FRMPD4: variants seen among roughly 807,000 people sequenced by gnomAD.
FRMPD4 encodes the protein FERM and PDZ domain containing 4.
FRMPD4 carries 22 observed loss-of-function variants against 94.1 expected under a neutral mutation model. The observed-to-expected ratio is 0.23, with a 90% CI of 0.17 to 0.33. The LOEUF (loss-of-function observed/expected upper bound fraction) is 0.33. Ranked by LOEUF, FRMPD4 falls within the 10% of genes least tolerant of loss-of-function variation. The pLI is 1.00. For missense variants in FRMPD4, 1,111 were observed against 1,339.9 expected (o/e 0.83, Z 2.67); for synonymous variants, 631 against 548.6 (o/e 1.15, Z -2.10).
At chrX:12,468,764 G>T (rs1482713734) in intron 1 of FRMPD4, among the ~76,000 whole-genome samples, 4 of 111,923 alleles carry the variant, frequency 3.6e-5, no homozygotes, top group Non-Finnish European at 7.5e-5. Context: ...TCAGACAGGT[G>T]TCTGCTCTTT....
chrX:12,446,783 G>A (rs1414336760), intron 1 of FRMPD4, among the ~76,000 whole-genome samples: 3 of 111,727 alleles, frequency 2.7e-5, no homozygotes, highest in African/African-American at 6.5e-5. Context: ...ACCCAGTCTC[G>A]GGTATGTCTT....
intron 1 of FRMPD4, among the ~76,000 whole-genome samples, chrX:12,317,585 C>CAAAAAAAAAAA (rs376884335): frequency 4.5e-4 from 19 of 42,352 alleles, no homozygotes; most frequent in Non-Finnish European, 5.8e-4. Flanking sequence ...AACTAAATAG[C>CAAAAAAAAAAA]AAAAAAAAAA....
chrX:12,231,740 G>A (rs776446898), intron 1 of FRMPD4, among the ~76,000 whole-genome samples: 1 of 111,862 alleles, frequency 8.9e-6, no homozygotes, highest in Admixed American at 9.5e-5. Context: ...ATTATTTTGT[G>A]CAGCTGGTAT....
At chrX:12,355,271 G>A (rs2055878577) in intron 1 of FRMPD4, among the ~76,000 whole-genome samples, 1 of 110,285 alleles carries the variant, frequency 9.1e-6, no homozygotes. Context: ...GACCTCCTGG[G>A]CTCAAGTGAT....
intron 1 of FRMPD4, among the ~76,000 whole-genome samples, chrX:11,826,115 C>A (rs1464365244): frequency 8.9e-6 from 1 of 112,253 alleles, no homozygotes; most frequent in Non-Finnish European, 1.9e-5. Context: ...AGGTGAAAAT[C>A]TGAAATTAAA....
At chrX:11,828,523 T>G (rs1214710952) in intron 1 of FRMPD4, among the ~76,000 whole-genome samples, 1 of 112,183 alleles carries the variant, frequency 8.9e-6, no homozygotes, top group Non-Finnish European at 1.9e-5. Context: ...TCAAATATAT[T>G]CAGAACTATA....
At chrX:12,402,251 C>G (rs767310115) in intron 1 of FRMPD4, among the ~76,000 whole-genome samples, 82 of 101,450 alleles carry the variant, frequency 8.1e-4, no homozygotes, top group South Asian at 1.5e-3. Context: ...TCTGCGCCAC[C>G]CCCCCCACAA....
At chrX:12,256,755 G>A (rs1032839610) in intron 1 of FRMPD4, among the ~76,000 whole-genome samples, 6 of 111,707 alleles carry the variant, frequency 5.4e-5, no homozygotes, top group African/African-American at 2.0e-4. Context: ...ACTGTTCAAG[G>A]TCACCCCCTC....
intron 1 of FRMPD4, among the ~76,000 whole-genome samples, chrX:12,244,800 C>T (rs2053930443): frequency 1.8e-5 from 2 of 111,744 alleles, no homozygotes; most frequent in South Asian, 7.5e-4. Flanking sequence ...TGGACAGTTC[C>T]AGTGGGTCTG....
chrX:12,231,058 T>TAC (rs1341346313), intron 1 of FRMPD4, among the ~76,000 whole-genome samples: 3 of 69,129 alleles, frequency 4.3e-5, no homozygotes, highest in African/African-American at 1.7e-4. Context: ...AAAATATATA[T>TAC]ATATATATAT....
At chrX:11,950,600 C>A (rs1485746474) in intron 3 of FRMPD4, among the ~76,000 whole-genome samples, 2 of 111,848 alleles carry the variant, frequency 1.8e-5, no homozygotes, top group Non-Finnish European at 3.8e-5. Flanking sequence ...TCCTTTATTT[C>A]TTTTTAAAAA....
At chrX:12,130,328 T>C (rs1257472497) in intron 3 of FRMPD4, among the ~76,000 whole-genome samples, 1 of 111,527 alleles carries the variant, frequency 9.0e-6, no homozygotes, top group Non-Finnish European at 1.9e-5. Flanking sequence ...TGCAAGATGA[T>C]AGATGTAGCT....
intron 1 of FRMPD4, among the ~76,000 whole-genome samples, chrX:12,373,748 G>A (rs1244226092): frequency 8.9e-6 from 1 of 112,423 alleles, no homozygotes; most frequent in Non-Finnish European, 1.9e-5. Context: ...ATCCAATTAA[G>A]TACGAAGTTA....
intron 1 of FRMPD4, among the ~76,000 whole-genome samples, chrX:12,373,782 C>A (rs972140702): frequency 8.9e-6 from 1 of 112,237 alleles, no homozygotes; most frequent in African/African-American, 3.2e-5. Context: ...ACAGCGTTTT[C>A]TTTGCACACC....
At chrX:12,583,246 T>TA (rs1238901333) in intron 2 of FRMPD4, among the ~76,000 whole-genome samples, 2 of 113,242 alleles carry the variant, frequency 1.8e-5, no homozygotes, top group Non-Finnish European at 3.7e-5. Flanking sequence ...TTGCATGACT[T>TA]ACAATATTCT....
chrX:11,846,259 A>C (rs1229309323), intron 1 of FRMPD4, among the ~76,000 whole-genome samples: 10 of 105,926 alleles, frequency 9.4e-5, no homozygotes, highest in East Asian at 6.0e-4. Context: ...GAGCCAAATC[A>C]TGAGTGAACT....
chrX:12,001,076 G>A (rs1438704065), intron 3 of FRMPD4, among the ~76,000 whole-genome samples: 1 of 112,071 alleles, frequency 8.9e-6, no homozygotes, highest in African/African-American at 3.2e-5. Context: ...GTTATGTAAT[G>A]AAGGTATCTG....
intron 1 of FRMPD4, among the ~76,000 whole-genome samples, chrX:12,220,867 C>T (rs2056858144): frequency 8.9e-6 from 1 of 111,808 alleles, no homozygotes; most frequent in African/African-American, 3.3e-5. Flanking sequence ...TTGCCAATTA[C>T]TTGAATATTA....
chrX:12,136,688 A>G (rs2055599874), upstream of FRMPD4, among the ~76,000 whole-genome samples: 1 of 110,196 alleles, frequency 9.1e-6, no homozygotes, highest in African/African-American at 3.3e-5. Flanking sequence ...GTGAGAGAGG[A>G]GGGGCTCGGG....
Sources: gnomAD v4.1 joint callset for allele counts (sites outside exome capture counted in the v4.1 genomes callset) on GRCh38, gnomAD v4.1.1 for gene constraint, MANE v1.5 for transcripts, NCBI Gene and HGNC (gene_info 2026-07-23, HGNC 2026-07-21) for gene names.